The following AP4E1 variants were observed in gnomAD, a reference collection of about 807,000 sequenced individuals.
The protein encoded by AP4E1 is AP-4 complex subunit epsilon-1.
AP4E1 carries 56 observed loss-of-function variants against 128.2 expected under a neutral mutation model. The observed-to-expected ratio is 0.44, with a 90% confidence interval of 0.35 to 0.55. The LOEUF (loss-of-function observed/expected upper bound fraction) is 0.55, where lower values mean the gene tolerates loss of function less well. Among genes scored for constraint, AP4E1 ranks in the 20% least tolerant of loss-of-function variants. The pLI, the probability that AP4E1 is intolerant of heterozygous loss-of-function variation, is 0.00. For synonymous variants in AP4E1, 484 were observed against 473.1 expected, an observed-to-expected ratio of 1.02 and a Z score of -0.30; for missense variants, 1,324 against 1,307.7, an observed-to-expected ratio of 1.01 and a Z score of -0.19.
intron 4 of AP4E1, among the ~76,000 whole-genome samples, chr15:50,924,256 A>G (rs1297112372): frequency 6.6e-6 from 1 of 152,188 alleles, no homozygotes; most frequent in Non-Finnish European, 1.5e-5. Context: ...TCATTTTAAA[A>G]CACAGAGTTA....
At chr15:50,966,105 T>G (rs1394697588) in intron 14 of AP4E1, among the ~76,000 whole-genome samples, 1 of 151,990 alleles carries the variant, frequency 6.6e-6, no homozygotes, top group Non-Finnish European at 1.5e-5. Flanking sequence ...AATTTTAGTA[T>G]AGACAGGGTG....
At chr15:50,974,366 A>C (rs576342422) in intron 15 of AP4E1, among the ~76,000 whole-genome samples, 35 of 151,450 alleles carry the variant, frequency 2.3e-4, no homozygotes, top group African/African-American at 8.5e-4. Context: ...TCCTGGGCTC[A>C]AGTGATCCTA....
At chr15:50,935,704 T>A (rs944916803) in intron 8 of AP4E1, among the ~76,000 whole-genome samples, 1 of 152,190 alleles carries the variant, frequency 6.6e-6, no homozygotes, top group Non-Finnish European at 1.5e-5. Flanking sequence ...GAGACAAGGA[T>A]AACCTGCGGA....
chr15:50,915,757 A>G, intron 3 of AP4E1, 186 bp downstream of exon 3: 2 of 665,388 alleles, frequency 3.0e-6, no homozygotes, highest in South Asian at 4.0e-5. Flanking sequence ...CCTGATGCAT[A>G]GCATTTTGGA....
At chr15:50,916,166 G>C (rs968227677) in intron 3 of AP4E1, among the ~76,000 whole-genome samples, 1 of 152,196 alleles carries the variant, frequency 6.6e-6, no homozygotes, top group African/African-American at 2.4e-5. Context: ...CTGGGCTCAA[G>C]TGATCCACAC....
chr15:50,968,368 C>G lies in AP4E1; in HGVS notation c.1957C>G (p.Gln653Glu). The change falls in exon 15 of 21, where the codon CAG (glutamine) becomes GAG (glutamate). Residue 653 changes from glutamine (Q) to glutamate (E), a missense_variant. Transcript: ENST00000261842. ...TCAACGCCAGGAGGAAAAGCTTTCT[C>G]AGGAAAAAGGTAATTTTTCATGGAT... ...PHQRQEEKLS[Q>E]EKVLNFEPYG... 1 of 1,611,532 alleles carries G rather than the reference C, an allele frequency of 6.2e-7. No homozygotes were observed. Among genetic ancestry groups the G allele is most frequent in the South Asian group, 1.1e-5 (1 of 90,780 alleles).
intron 19 of AP4E1, 83 bp from the exon 20 acceptor site, chr15:51,000,943 A>T (rs958490536): frequency 9.0e-7 from 1 of 1,111,938 alleles, no homozygotes; most frequent in African/African-American, 1.6e-5. Flanking sequence ...ATTATGTTTT[A>T]TTCTCATGAG....
chr15:50,934,401 T>C (rs1261162539), intron 7 of AP4E1: 1 of 436,898 alleles, frequency 2.3e-6, no homozygotes, highest in Non-Finnish European at 4.2e-6. Flanking sequence ...TTGATTGACA[T>C]ATATATCTCA....
intron 10 of AP4E1, chr15:50,945,412 G>C (rs2064045427): frequency 1.3e-6 from 1 of 777,946 alleles, no homozygotes; most frequent in African/African-American, 1.7e-5. Context: ...CCCTATGGAA[G>C]CTTTCATTTT....
At chr15:50,907,916 C>G (rs2063508173), upstream of AP4E1, among the ~76,000 whole-genome samples, 1 of 152,146 alleles carries the variant, frequency 6.6e-6, no homozygotes, top group Admixed American at 6.6e-5. Flanking sequence ...GAGCTGTTTA[C>G]GTAGTGGCAA....
intron 10 of AP4E1, chr15:50,945,134 G>A (rs2140851761): frequency 1.2e-6 from 1 of 815,686 alleles, no homozygotes; most frequent in Non-Finnish European, 2.2e-6. Context: ...GAAAGACAGT[G>A]TATACTGGGG....
rs776675402 is a variant in AP4E1, at chr15:50,949,953, A to G, written c.1429+15A>G. 8 of 1,600,598 alleles carry G rather than the reference A, an allele frequency of 5.0e-6. No individual in the cohort carries two copies. Among genetic ancestry groups the G allele is most frequent in the South Asian group, 1.1e-5 (1 of 90,818 alleles). ...ACTAGCGGAAGGTTGGTACACTATT[A>G]TATTCTGTAAAGTAAACATTTTAAA... On this transcript the variant is annotated intron_variant, in intron 12 of 20. Transcript: ENST00000261842.
chr15:50,973,787 A>G (rs1049927591), intron 15 of AP4E1, among the ~76,000 whole-genome samples: 2 of 152,250 alleles, frequency 1.3e-5, no homozygotes, highest in African/African-American at 2.4e-5. Flanking sequence ...TTGTATATGT[A>G]TATGACATCA....
intron 8 of AP4E1, among the ~76,000 whole-genome samples, chr15:50,935,093 T>C (rs983056792): frequency 2.6e-5 from 4 of 152,142 alleles, no homozygotes; most frequent in African/African-American, 9.6e-5. Context: ...ATTTCTGTTA[T>C]TTGTCAGTCC....
At chr15:50,978,226 G>A (rs1273243847) in intron 15 of AP4E1, among the ~76,000 whole-genome samples, 1 of 151,978 alleles carries the variant, frequency 6.6e-6, no homozygotes, top group East Asian at 1.9e-4. Context: ...AGAATCTGTG[G>A]ATTATTCTAT....
intron 14 of AP4E1, among the ~76,000 whole-genome samples, chr15:50,967,811 T>G (rs554877732): frequency 3.5e-4 from 54 of 152,288 alleles, no homozygotes; most frequent in African/African-American, 1.3e-3. Flanking sequence ...TTGGGTAGCA[T>G]TTTCATTCAT....
chr15:50,908,549 T>G (rs748951930), upstream of AP4E1: 69 of 479,064 alleles, frequency 1.4e-4, 1 homozygote, highest in Non-Finnish European at 2.3e-4. Context: ...GAGGTCTACT[T>G]ACGCGCGCAA....
At chr15:50,978,846 T>G (rs2064596637) in intron 15 of AP4E1, among the ~76,000 whole-genome samples, 1 of 152,228 alleles carries the variant, frequency 6.6e-6, no homozygotes, top group South Asian at 2.1e-4. Context: ...TCTTTAGTCC[T>G]TTTAGGCGTT....
intron 13 of AP4E1, among the ~76,000 whole-genome samples, chr15:50,951,319 A>G (rs1182502618): frequency 6.6e-6 from 1 of 152,172 alleles, no homozygotes; most frequent in Non-Finnish European, 1.5e-5. Context: ...TTGCTTGCAT[A>G]CTGTTAACTG....
Sources: gnomAD v4.1 joint callset for allele counts (sites outside exome capture counted in the v4.1 genomes callset) on GRCh38, gnomAD v4.1.1 for gene constraint, MANE v1.5 for transcripts, NCBI Gene and HGNC (gene_info 2026-07-23, HGNC 2026-07-21) for gene names.